The following DLEC1 variants were observed in gnomAD, a reference collection of about 807,000 sequenced individuals.
DLEC1 encodes the protein deleted in lung and esophageal cancer protein 1.
In DLEC1, 146 loss-of-function variants were observed where a neutral mutation model predicts 198.1. The observed-to-expected ratio is 0.74, with a 90% CI of 0.64 to 0.85. The LOEUF is 0.85. Ranked by LOEUF, DLEC1 falls within the 40% of genes least tolerant of loss-of-function variation. The pLI is 0.00. For synonymous variants in DLEC1, 897 were observed against 866.8 expected (o/e 1.03, Z -0.61); for missense variants, 2,233 against 2,220.0 (o/e 1.01, Z -0.12).
intron 6 of DLEC1, among the ~76,000 whole-genome samples, chr3:38,079,494 G>A (rs549341443): frequency 2.0e-5 from 3 of 152,172 alleles, no homozygotes; most frequent in African/African-American, 4.8e-5. Context: ...CTCGGTGTCC[G>A]TGATGGTCTA....
At chr3:38,076,280 G>A (rs1247417405) in intron 6 of DLEC1, among the ~76,000 whole-genome samples, 2 of 152,164 alleles carry the variant, frequency 1.3e-5, no homozygotes, top group Non-Finnish European at 2.9e-5. Context: ...ACCTGAGGTC[G>A]TAGGTGGTTT....
intron 13 of DLEC1, 176 bp from the exon 14 acceptor site, chr3:38,095,712 C>A: frequency 1.4e-6 from 1 of 705,918 alleles, no homozygotes; most frequent in Admixed American, 2.7e-5. Flanking sequence ...GTTCTGGCAG[C>A]AACTTCACTT....
Position 38,039,271 on chromosome 3 carries a change from A to G in DLEC1, c.46A>G (p.Thr16Ala). 6.2e-7 allele frequency: 1 copy of G among 1,613,892 alleles called. No homozygotes were observed. The highest frequency in any genetic ancestry group is 8.5e-7 in the Non-Finnish European group (1 of 1,179,868). Residue 16 changes from threonine (T) to alanine (A), a missense_variant, in exon 1 of 37, where the codon ACC becomes GCC. Thr to Ala is a moderately conservative substitution (Grantham distance 58). Coordinates refer to ENST00000308059, the MANE Select transcript of DLEC1 (RefSeq NM_007335.4). ...AACGCGGAGGTCTTTAGCGTCCCGG[A>G]CCAACGAGTGCCAGGGGACAATGTG... ...SKTRRSLASRTNECQGTMWAP... is the reference protein window; with the variant it reads ...SKTRRSLASRANECQGTMWAP...
At position 38,085,389 on chromosome 3, in the gene DLEC1, G is replaced by A; in HGVS notation, c.1377G>A (p.Gln459=). The change falls in exon 8 of 37, where the codon CAG becomes CAA. Residue 459 remains glutamine (Q), a synonymous_variant. Transcript: ENST00000308059. Reference sequence around the variant, plus strand: ...ATGATTTTATTTTAGTGGAGACCCAGTCAGCCCACACACTTCTGATCCCCC... The same window carrying A: ...ATGATTTTATTTTAGTGGAGACCCAATCAGCCCACACACTTCTGATCCCCC... ...DFDDFILVET[Q]SAHTLLIPLQ... The A allele has an allele frequency of 1.2e-6, 2 of 1,614,124 alleles. No individual in the cohort carries two copies. Among genetic ancestry groups the A allele is most frequent in the Non-Finnish European group, 1.7e-6 (2 of 1,180,014 alleles).
intron 2 of DLEC1, among the ~76,000 whole-genome samples, chr3:38,055,517 G>A (rs1244655637): frequency 6.7e-6 from 1 of 150,302 alleles, no homozygotes; most frequent in Non-Finnish European, 1.5e-5. Context: ...TGAAATAGAT[G>A]GTTGTTCAAG....
chr3:38,086,885 G>A (rs1698485206), intron 9 of DLEC1, among the ~76,000 whole-genome samples: 1 of 152,054 alleles, frequency 6.6e-6, no homozygotes, highest in African/African-American at 2.4e-5. Flanking sequence ...GACCAGCCTG[G>A]CCAATATGAT....
At chr3:38,091,733 G>C (rs1698754916) in intron 10 of DLEC1, among the ~76,000 whole-genome samples, 1 of 151,944 alleles carries the variant, frequency 6.6e-6, no homozygotes, top group Non-Finnish European at 1.5e-5. Flanking sequence ...CATATAAATG[G>C]TCAATGAGTA....
At chr3:38,063,453 G>T (rs1018800720) in intron 5 of DLEC1, among the ~76,000 whole-genome samples, 26 of 151,976 alleles carry the variant, frequency 1.7e-4, no homozygotes, top group Non-Finnish European at 3.4e-4. Context: ...GACAGAGTGA[G>T]ACCCTGTCAA....
rs780935912 is a variant in DLEC1, at chr3:38,111,775, G to A, written c.3514+28G>A. 1.0e-5 allele frequency: 16 copies of A among 1,603,600 alleles called. No individual in the cohort carries two copies. The African/African-American group carries it at 2.0e-4, about 20-fold the overall frequency. ...AAGCGCCACCAGGGTGGGGCTTCGG[G>A]GCCCAGGCCACGGCCAGAGCCACAG... On this transcript the variant is annotated intron_variant, in intron 24 of 36. Coordinates refer to ENST00000308059, the MANE Select transcript of DLEC1 (RefSeq NM_007335.4).
chr3:38,122,083 C>T lies in DLEC1; in HGVS notation c.5033C>T (p.Pro1678Leu), dbSNP rs774477333. The change falls in exon 36 of 37, where the codon CCA becomes CTA. Residue 1678 changes from proline (P) to leucine (L), a missense_variant. Coordinates refer to ENST00000308059, the MANE Select transcript of DLEC1 (RefSeq NM_007335.4). Reference sequence around the variant, plus strand: ...CCCTTTGGTGCAGGCCAGCAGGAGCCAGCCAAGGCCGCTGTGGCCTTCAGG... The same window carrying T: ...CCCTTTGGTGCAGGCCAGCAGGAGCTAGCCAAGGCCGCTGTGGCCTTCAGG... ...YWTMLMGQQE[P>L]AKAAVAFRVS... The T allele has an allele frequency of 6.2e-7, 1 of 1,614,044 alleles. No homozygotes were observed. The highest frequency in any genetic ancestry group is 1.1e-5 in the South Asian group (1 of 91,068).
chr3:38,047,519 C>T (rs1421593191), intron 2 of DLEC1, among the ~76,000 whole-genome samples: 1 of 152,096 alleles, frequency 6.6e-6, no homozygotes, highest in African/African-American at 2.4e-5. Context: ...CAATTAACTA[C>T]CTATAATCAA....
At chr3:38,087,763 G>A (rs570520421) in intron 9 of DLEC1, among the ~76,000 whole-genome samples, 10 of 152,244 alleles carry the variant, frequency 6.6e-5, no homozygotes, top group African/African-American at 9.6e-5. Flanking sequence ...CCAGGGTCTT[G>A]TAGGCATGGG....
intron 2 of DLEC1, among the ~76,000 whole-genome samples, chr3:38,056,580 G>T (rs940254256): frequency 1.3e-5 from 2 of 152,176 alleles, no homozygotes; most frequent in Non-Finnish European, 2.9e-5. Context: ...AAAGTGCTGG[G>T]ATTACAGGCG....
At position 38,120,428 on chromosome 3, in the gene DLEC1, C is replaced by T. The variant is rs933604282; in HGVS notation, c.4705-20C>T. 1.2e-6 allele frequency: 2 copies of T among 1,613,288 alleles called. No individual in the cohort carries two copies. Among genetic ancestry groups the T allele is most frequent in the African/African-American group, 1.3e-5 (1 of 74,916 alleles). On this transcript the variant is annotated intron_variant, in intron 33 of 36. Transcript: ENST00000308059. ...CTGCCCTCTGCAGCCGGAGTTGACACCATGTCCACATCTGCTCAGGTGAAC... is the reference window on the plus strand; with the variant it reads ...CTGCCCTCTGCAGCCGGAGTTGACATCATGTCCACATCTGCTCAGGTGAAC...
At position 38,114,537 on chromosome 3, in the gene DLEC1, G is replaced by A. The variant is rs553518850; in HGVS notation, c.3785+77G>A. 657 of 1,440,218 alleles carry A rather than the reference G, an allele frequency of 4.6e-4. 2 individuals are homozygous for A. Among genetic ancestry groups the A allele is most frequent in the Middle Eastern group, 1.9e-3 (11 of 5,706 alleles). 89.2% of individuals were successfully genotyped at this position (1,440,218 alleles called of 1,614,324 possible). A position where few individuals can be genotyped will look rare whatever the true frequency, so the allele number is the denominator to read the frequency against. On this transcript the variant is annotated intron_variant, in intron 26 of 36. Transcript: ENST00000308059. Reference sequence around the variant, plus strand: ...CCGGCCTCCGGGCTGGGCTGCCCACGTTGGCTTGTTATTCTCCAGCTGGCC... The same window carrying A: ...CCGGCCTCCGGGCTGGGCTGCCCACATTGGCTTGTTATTCTCCAGCTGGCC...
chr3:38,093,706 C>T lies in DLEC1; in HGVS notation c.1858C>T (p.Arg620Ter), dbSNP rs748348900. ...LTDLTAQHFI[R>*]FEPENLRSTA... ...AGACTTAACAGCCCAGCACTTCATA[C>T]GATTTGAGCCTGAAAACCTTCGGTC... is the stretch of plus-strand genomic sequence containing the variant. Residue 620 changes from arginine to a stop codon, truncating the protein, a stop_gained, in exon 12 of 37, where the codon CGA becomes TGA. Transcript: ENST00000308059. LOFTEE classifies it high-confidence loss of function. The T allele has an allele frequency of 9.5e-5, 153 of 1,614,062 alleles. 1 individual carries two copies. The highest frequency in any genetic ancestry group is 1.2e-4 in the Non-Finnish European group (146 of 1,180,044).
intron 3 of DLEC1, among the ~76,000 whole-genome samples, chr3:38,060,654 A>G (rs1476370671): frequency 1.3e-5 from 2 of 151,876 alleles, no homozygotes; most frequent in Non-Finnish European, 2.9e-5. Context: ...AAGGCAAGAA[A>G]GAGGTAGCAG....
At chr3:38,063,536 A>C (rs1456546853) in intron 5 of DLEC1, among the ~76,000 whole-genome samples, 3 of 152,176 alleles carry the variant, frequency 2.0e-5, no homozygotes, top group African/African-American at 7.2e-5. Flanking sequence ...GAAAAGACTA[A>C]TATTTGAGAT....
intron 11 of DLEC1, among the ~76,000 whole-genome samples, chr3:38,093,087 C>T (rs1323855563): frequency 6.6e-6 from 1 of 152,212 alleles, no homozygotes; most frequent in Non-Finnish European, 1.5e-5. Context: ...AGTGTGGCCT[C>T]CAAGACAGTC....
Sources: gnomAD v4.1 joint callset for allele counts (sites outside exome capture counted in the v4.1 genomes callset) on GRCh38, gnomAD v4.1.1 for gene constraint, MANE v1.5 for transcripts, NCBI Gene and HGNC (gene_info 2026-07-23, HGNC 2026-07-21) for gene names.